The following TAFA4 variants were observed in gnomAD, a reference collection of about 807,000 sequenced individuals.
The protein encoded by TAFA4 is chemokine-like protein TAFA-4.
A neutral mutation model predicts 21.1 loss-of-function variants in TAFA4; 20 were observed. The ratio of observed to expected loss-of-function variants is 0.95; its 90% CI spans 0.67 to 1.38. TAFA4 has a LOEUF of 1.38. TAFA4 is among the 40% of genes most tolerant of loss of function. The pLI, the probability that TAFA4 is intolerant of heterozygous loss-of-function variation, is 0.00. For missense variants in TAFA4, 211 were observed against 180.9 expected (o/e 1.17, Z -0.95); for synonymous variants, 71 against 67.4 (o/e 1.05, Z -0.26).
rs1702154220 is a variant in TAFA4 at position 68,731,855 on chromosome 3, A to G, written c.*1287T>C. The G allele has an allele frequency of 6.6e-6, 1 of 150,544 alleles. No homozygotes were observed. The highest frequency in any genetic ancestry group is 1.5e-5 in the Non-Finnish European group (1 of 67,750). 9.3% of individuals were successfully genotyped at this position (150,544 alleles called of 1,614,324 possible). ...CCAACAAATCTTTCCATTCCTTTCC[A>G]TTCCCTCTGCAAGAATAAAATCAAA... On this transcript the variant is annotated 3_prime_UTR_variant, in exon 6 of 6. Transcript: ENST00000295569.
At position 68,734,142 on chromosome 3, in the gene TAFA4, G is replaced by C. The variant is rs1314016620; in HGVS notation, c.412-989C>G. 2.6e-5 allele frequency among the ~76,000 whole-genome samples: 4 copies of C among 152,150 alleles called. No homozygotes were observed. In the East Asian group the frequency reaches 7.7e-4, roughly 29 times the overall value. Reference sequence around the variant, plus strand: ...TAAATAAATGAATGGGCATTGCTTTGTTCCAGACTTTATGTATAGATGGTA... The same window carrying C: ...TAAATAAATGAATGGGCATTGCTTTCTTCCAGACTTTATGTATAGATGGTA... On this transcript the variant is annotated intron_variant, in intron 5 of 5. Transcript: ENST00000295569.
intron 1 of TAFA4, among the ~76,000 whole-genome samples, chr3:68,902,919 C>T (rs1208975344): frequency 6.6e-6 from 1 of 152,090 alleles, no homozygotes; most frequent in Non-Finnish European, 1.5e-5. Context: ...AAATCACTTT[C>T]CAAAGTATTT....
At chr3:68,912,175 G>C (rs1298141897) in intron 1 of TAFA4, among the ~76,000 whole-genome samples, 1 of 152,156 alleles carries the variant, frequency 6.6e-6, no homozygotes, top group Non-Finnish European at 1.5e-5. Flanking sequence ...AGGGGAATAT[G>C]AGCCAGTTTT....
At chr3:68,796,862 C>T (rs555238701) in intron 3 of TAFA4, among the ~76,000 whole-genome samples, 2 of 152,198 alleles carry the variant, frequency 1.3e-5, no homozygotes, top group South Asian at 4.1e-4. Context: ...ATACAAGTGG[C>T]CAACAAGCAT....
intron 1 of TAFA4, among the ~76,000 whole-genome samples, chr3:68,920,234 A>C (rs545153803): frequency 6.6e-6 from 1 of 152,366 alleles, no homozygotes; most frequent in South Asian, 2.1e-4. Flanking sequence ...GTAAGCAAAA[A>C]AATACAAACT....
chr3:68,751,081 A>C (rs1011915780), intron 4 of TAFA4, among the ~76,000 whole-genome samples: 3 of 152,206 alleles, frequency 2.0e-5, no homozygotes, highest in Non-Finnish European at 2.9e-5. Flanking sequence ...GGTGTGTCTC[A>C]TGGGGAGGAG....
At chr3:68,908,674 T>A (rs1018267314) in intron 1 of TAFA4, among the ~76,000 whole-genome samples, 2 of 152,226 alleles carry the variant, frequency 1.3e-5, no homozygotes, top group African/African-American at 4.8e-5. Flanking sequence ...GGAAAAGGAC[T>A]GCACATAGAA....
intron 3 of TAFA4, among the ~76,000 whole-genome samples, chr3:68,772,392 G>C (rs1289083084): frequency 1.3e-5 from 2 of 152,174 alleles, no homozygotes; most frequent in Admixed American, 1.3e-4. Flanking sequence ...GAGTAGGGAA[G>C]AGCCATCATT....
At chr3:68,775,638 G>A (rs902244903) in intron 3 of TAFA4, among the ~76,000 whole-genome samples, 1 of 152,136 alleles carries the variant, frequency 6.6e-6, no homozygotes, top group African/African-American at 2.4e-5. Context: ...GGGTGAAGCA[G>A]GAAATCTTAA....
At chr3:68,772,812 G>A (rs1344765180) in intron 3 of TAFA4, among the ~76,000 whole-genome samples, 2 of 152,092 alleles carry the variant, frequency 1.3e-5, no homozygotes, top group Admixed American at 6.5e-5. Flanking sequence ...ACATGAGCCA[G>A]TTCCCCTAAT....
chr3:68,842,263 ACTGCGGTTTTGATTTGCATTTCT>A (rs1410627116), intron 3 of TAFA4, among the ~76,000 whole-genome samples: 1 of 152,104 alleles, frequency 6.6e-6, no homozygotes, highest in East Asian at 1.9e-4. Context: ...ATGGTACCTC[ACTGCGGTTTTGATTTGCATTTCT>A]CTAATGGCCA....
intron 2 of TAFA4, among the ~76,000 whole-genome samples, chr3:68,882,597 CA>C (rs969446080): frequency 6.6e-6 from 1 of 152,136 alleles, no homozygotes; most frequent in African/African-American, 2.4e-5. Flanking sequence ...GCCTTTGTAA[CA>C]AATAGATTGA....
At chr3:68,803,439 G>T (rs1272133694) in intron 3 of TAFA4, among the ~76,000 whole-genome samples, 1 of 152,118 alleles carries the variant, frequency 6.6e-6, no homozygotes, top group Non-Finnish European at 1.5e-5. Flanking sequence ...CCCAGTTGCT[G>T]TGTTTATGTG....
intron 3 of TAFA4, among the ~76,000 whole-genome samples, chr3:68,831,997 C>T (rs189862256): frequency 8.5e-5 from 13 of 152,230 alleles, no homozygotes; most frequent in African/African-American, 1.9e-4. Flanking sequence ...GTATGCTTCA[C>T]GAAGCTCTCG....
chr3:68,851,212 A>T (rs992132932), intron 3 of TAFA4, among the ~76,000 whole-genome samples: 3 of 152,174 alleles, frequency 2.0e-5, no homozygotes, highest in African/African-American at 7.2e-5. Context: ...TGGAGCTGGA[A>T]GCCATTATCC....
intron 3 of TAFA4, among the ~76,000 whole-genome samples, chr3:68,834,209 C>G (rs1210766340): frequency 6.6e-6 from 1 of 152,200 alleles, no homozygotes; most frequent in Non-Finnish European, 1.5e-5. Context: ...ACATTTTGAT[C>G]TGTTCTGTTC....
intron 3 of TAFA4, among the ~76,000 whole-genome samples, chr3:68,777,709 T>C (rs1703074072): frequency 6.6e-6 from 1 of 152,100 alleles, no homozygotes; most frequent in Non-Finnish European, 1.5e-5. Context: ...TATGCAACAG[T>C]CATGTGCTAC....
intron 1 of TAFA4, among the ~76,000 whole-genome samples, chr3:68,923,166 A>C (rs1190969811): frequency 6.6e-6 from 1 of 152,188 alleles, no homozygotes; most frequent in Admixed American, 6.5e-5. Context: ...GCAAACGTTA[A>C]TTTCAAGTAT....
chr3:68,848,325 G>C (rs547715285), intron 3 of TAFA4, among the ~76,000 whole-genome samples: 1 of 152,308 alleles, frequency 6.6e-6, no homozygotes, highest in South Asian at 2.1e-4. Context: ...CATGGGATGA[G>C]AGACAATGAA....
Sources: gnomAD v4.1 joint callset for allele counts (sites outside exome capture counted in the v4.1 genomes callset) on GRCh38, gnomAD v4.1.1 for gene constraint, MANE v1.5 for transcripts, NCBI Gene and HGNC (gene_info 2026-07-23, HGNC 2026-07-21) for gene names.